Variants in PXDNL observed in about 807,000 individuals in gnomAD.
PXDNL encodes peroxidasin like.
Under a neutral mutation model 150.8 loss-of-function variants are expected in PXDNL, and 145 were observed. That is an observed-to-expected ratio of 0.96 (90% CI 0.84 to 1.10). The LOEUF is 1.10. PXDNL is among the 50% of genes least tolerant of loss of function. The pLI, the probability that PXDNL is intolerant of heterozygous loss-of-function variation, is 0.00. For synonymous variants in PXDNL, 757 were observed against 725.7 expected, an observed-to-expected ratio of 1.04 and a Z score of -0.69; for missense variants, 2,087 against 1,873.9, an observed-to-expected ratio of 1.11 and a Z score of -2.10.
At chr8:51,518,778 A>T (rs1811598301) in intron 4 of PXDNL, among the ~76,000 whole-genome samples, 1 of 152,214 alleles carries the variant, frequency 6.6e-6, no homozygotes. Flanking sequence ...TTAATGAGAA[A>T]GAAAGTGGCT....
At chr8:51,783,265 TTTA>T (rs2037432147) in intron 1 of PXDNL, among the ~76,000 whole-genome samples, 1 of 152,190 alleles carries the variant, frequency 6.6e-6, no homozygotes, top group Non-Finnish European at 1.5e-5. Context: ...AGTGAAGTGC[TTTA>T]TTATGTCCAC....
At chr8:51,459,831 T>C (rs1283469665) in intron 8 of PXDNL, among the ~76,000 whole-genome samples, 1 of 152,220 alleles carries the variant, frequency 6.6e-6, no homozygotes, top group African/African-American at 2.4e-5. Flanking sequence ...AATGAAGACA[T>C]ACAAATAACT....
chr8:51,637,831 A>G (rs1814640556), intron 2 of PXDNL, among the ~76,000 whole-genome samples: 1 of 152,174 alleles, frequency 6.6e-6, no homozygotes, highest in Non-Finnish European at 1.5e-5. Flanking sequence ...CCAACATTCA[A>G]ATTCAGGAAA....
Position 51,699,420 on chromosome 8 carries a change from AG to A in PXDNL, c.165-44661del. 1.3e-5 allele frequency among the ~76,000 whole-genome samples: 2 copies of A among 152,218 alleles called. 1 individual carries two copies. The highest frequency in any genetic ancestry group is 6.8e-3 in the Middle Eastern group (2 of 294). On this transcript the variant is annotated intron_variant, in intron 1 of 22. Transcript: ENST00000356297. The stretch of plus-strand genomic sequence containing the variant: ...CCAGCCTTCATAGAATTGAAGAGAG[AG>A]GGTGTGGGCCTTACTCTGTGTTAGG...
Position 51,450,383 on chromosome 8 carries a change from G to A in PXDNL, c.1250-1265C>T, listed in dbSNP as rs140048154. On this transcript the variant is annotated intron_variant, in intron 10 of 22. Coordinates refer to ENST00000356297, the MANE Select transcript of PXDNL (RefSeq NM_144651.5). ...CTAAACCTGCTAGGAATCCAGCCCA[G>A]CAGGTCTCATCCTCATTTTACCCAG... Among the ~76,000 whole-genome samples, 469 of 152,210 alleles carry A rather than the reference G, an allele frequency of 3.1e-3. 4 individuals are homozygous for A. Among genetic ancestry groups the A allele is most frequent in the Non-Finnish European group, 5.2e-3 (356 of 68,018 alleles).
chr8:51,440,082 G>A (rs2129873715), intron 12 of PXDNL, among the ~76,000 whole-genome samples: 2 of 151,710 alleles, frequency 1.3e-5, no homozygotes, highest in South Asian at 4.2e-4. Flanking sequence ...CACACACCAT[G>A]GAATACTACT....
chr8:51,381,024 A>G (rs1485895839), intron 17 of PXDNL, among the ~76,000 whole-genome samples: 1 of 152,172 alleles, frequency 6.6e-6, no homozygotes, highest in Non-Finnish European at 1.5e-5. Flanking sequence ...ATTCAACTTG[A>G]GTTTTCAATG....
chr8:51,408,788 G>T lies in PXDNL; in HGVS notation c.2836C>A (p.Arg946=), dbSNP rs1432085650. 7.0e-6 allele frequency: 11 copies of T among 1,573,302 alleles called. No homozygotes were observed. The highest frequency in any genetic ancestry group is 9.5e-6 in the Non-Finnish European group (11 of 1,160,392). The change falls in exon 17 of 23, where the codon CGA becomes AGA. Residue 946 remains arginine (R), a synonymous_variant. Transcript: ENST00000356297. The part of the protein sequence containing the change: ...FSTGPPTECA[R]QEQESPCFLA... ...AAACAGGGGCTCTCCTGCTCCTGTC[G>T]CGCGCACTCGGTGGGTGGGCCTGTA... is the stretch of plus-strand genomic sequence containing the variant.
intron 4 of PXDNL, among the ~76,000 whole-genome samples, chr8:51,549,277 G>A (rs533435065): frequency 7.2e-5 from 11 of 152,112 alleles, no homozygotes; most frequent in Non-Finnish European, 1.0e-4. Context: ...TCACCAAGAC[G>A]GAAAGTCCAC....
intron 1 of PXDNL, among the ~76,000 whole-genome samples, chr8:51,727,741 G>A (rs1165643139): frequency 2.0e-5 from 3 of 152,114 alleles, no homozygotes; most frequent in Non-Finnish European, 2.9e-5. Context: ...CTACAATCAC[G>A]CTATGCCTAA....
At chr8:51,683,175 A>ATG (rs1272561066) in intron 1 of PXDNL, among the ~76,000 whole-genome samples, 2 of 107,580 alleles carry the variant, frequency 1.9e-5, no homozygotes, top group Non-Finnish European at 3.8e-5. Flanking sequence ...ATATATATAT[A>ATG]TATATATATA....
intron 4 of PXDNL, among the ~76,000 whole-genome samples, chr8:51,509,226 A>G (rs1811356513): frequency 6.6e-6 from 1 of 152,214 alleles, no homozygotes; most frequent in Non-Finnish European, 1.5e-5. Flanking sequence ...GTATCTAAGC[A>G]TCATGTCGTA....
chr8:51,652,033 T>A (rs1815051211), intron 2 of PXDNL, among the ~76,000 whole-genome samples: 1 of 152,176 alleles, frequency 6.6e-6, no homozygotes, highest in Non-Finnish European at 1.5e-5. Context: ...GAGAAAACCC[T>A]CTCTTTTACA....
At position 51,429,416 on chromosome 8, in the gene PXDNL, C is replaced by A. The variant is rs957858140; in HGVS notation, c.1526-2658G>T. 2.6e-5 allele frequency among the ~76,000 whole-genome samples: 4 copies of A among 152,120 alleles called. 1 individual carries two copies. Among genetic ancestry groups the A allele is most frequent in the Admixed American group, 1.3e-4 (2 of 15,262 alleles). The stretch of plus-strand genomic sequence containing the variant: ...CCAGCATGGTGAAACCCTGTCTCTA[C>A]TAAAAATACAATAAATTAGCCAGGC... On this transcript the variant is annotated intron_variant, in intron 12 of 22. Transcript: ENST00000356297.
chr8:51,463,462 G>T (rs182137387), intron 8 of PXDNL, among the ~76,000 whole-genome samples: 77 of 152,206 alleles, frequency 5.1e-4, no homozygotes, highest in Non-Finnish European at 1.9e-4. Flanking sequence ...AACAAAAAAG[G>T]GTAGGAGGTT....
At chr8:51,644,553 A>G (rs1814873795) in intron 2 of PXDNL, among the ~76,000 whole-genome samples, 1 of 150,552 alleles carries the variant, frequency 6.6e-6, no homozygotes, top group Admixed American at 6.6e-5. Context: ...TCCACCTCCC[A>G]GGTTCACGCC....
chr8:51,352,451 AG>A (rs1398073557), intron 19 of PXDNL, among the ~76,000 whole-genome samples: 1 of 152,118 alleles, frequency 6.6e-6, no homozygotes, highest in African/African-American at 2.4e-5. Context: ...CCACATGTCC[AG>A]GGAGGGACCT....
chr8:51,446,890 A>G (rs779343540), intron 12 of PXDNL, 114 bp downstream of exon 12: 119 of 691,470 alleles, frequency 1.7e-4, no homozygotes, highest in Middle Eastern at 2.8e-4. Context: ...CTTAGATCAT[A>G]TGACTATATA....
At chr8:51,487,082 C>A (rs903385877) in intron 5 of PXDNL, among the ~76,000 whole-genome samples, 4 of 151,694 alleles carry the variant, frequency 2.6e-5, no homozygotes, top group Non-Finnish European at 5.9e-5. Context: ...AGGGAGCCAC[C>A]GCACCCGGCC....
Sources: allele counts gnomAD v4.1 joint callset (sites outside exome capture counted in the v4.1 genomes callset), GRCh38; gene constraint gnomAD v4.1.1; transcripts MANE v1.5; gene names NCBI Gene and HGNC (gene_info 2026-07-23, HGNC 2026-07-21).